Variants in INVS observed in about 807,000 individuals in gnomAD.
The protein encoded by INVS is inversin.
INVS carries 86 observed loss-of-function variants against 108.8 expected under a neutral mutation model. That is an observed-to-expected ratio of 0.79 (90% confidence interval 0.66 to 0.95). The LOEUF (loss-of-function observed/expected upper bound fraction) is 0.95. INVS is among the 40% of genes least tolerant of loss of function. INVS has a pLI of 0.00. For missense variants in INVS, 1,169 were observed against 1,297.4 expected, an observed-to-expected ratio of 0.90 and a Z score of 1.52; for synonymous variants, 455 against 473.5, an observed-to-expected ratio of 0.96 and a Z score of 0.51.
intron 1 of INVS, among the ~76,000 whole-genome samples, chr9:100,104,243 C>A (rs1041924985): frequency 6.6e-6 from 1 of 151,940 alleles, no homozygotes; most frequent in African/African-American, 2.4e-5. Flanking sequence ...AGACAGGTCT[C>A]ACTAAGATAG....
intron 3 of INVS, among the ~76,000 whole-genome samples, chr9:100,217,056 C>T (rs930684595): frequency 2.0e-5 from 3 of 152,116 alleles, no homozygotes; most frequent in Non-Finnish European, 2.9e-5. Context: ...TGCCTGTAAT[C>T]CCAGAACGTT....
At chr9:100,182,822 A>C (rs1254980726) in intron 3 of INVS, among the ~76,000 whole-genome samples, 1 of 152,230 alleles carries the variant, frequency 6.6e-6, no homozygotes, top group Non-Finnish European at 1.5e-5. Context: ...ATAAAGACAC[A>C]TGCACACATA....
chr9:100,236,356 T>C (rs1038837561), intron 5 of INVS, among the ~76,000 whole-genome samples: 1 of 152,236 alleles, frequency 6.6e-6, no homozygotes, highest in African/African-American at 2.4e-5. Flanking sequence ...TCTTCTTCTG[T>C]CAATTCATCA....
chr9:100,268,655 A>G (rs369208238), intron 11 of INVS, among the ~76,000 whole-genome samples: 2 of 152,202 alleles, frequency 1.3e-5, no homozygotes, highest in Non-Finnish European at 2.9e-5. Flanking sequence ...TATTGAGTGT[A>G]TAAGTGTTTA....
chr9:100,112,255 A>G (rs1375450181), intron 2 of INVS, among the ~76,000 whole-genome samples: 1 of 152,206 alleles, frequency 6.6e-6, no homozygotes, highest in African/African-American at 2.4e-5. Flanking sequence ...TACAGGCATG[A>G]GCCACCACGC....
At chr9:100,109,721 A>G (rs1370247765) in intron 2 of INVS, among the ~76,000 whole-genome samples, 1 of 152,172 alleles carries the variant, frequency 6.6e-6, no homozygotes, top group African/African-American at 2.4e-5. Flanking sequence ...GCTGGAGTGC[A>G]ATGGCGTGAT....
intron 12 of INVS, among the ~76,000 whole-genome samples, chr9:100,275,456 T>G (rs576325005): frequency 2.6e-4 from 40 of 152,332 alleles, no homozygotes; most frequent in African/African-American, 9.4e-4. Context: ...CTCTAAGAGA[T>G]ATACTTAAGT....
rs776002323 is a variant in INVS at position 100,292,622 on chromosome 9, G to A, written c.2365G>A (p.Ala789Thr). The A allele has an allele frequency of 6.2e-7, 1 of 1,614,140 alleles. No homozygotes were observed. The highest frequency in any genetic ancestry group is 8.5e-7 in the Non-Finnish European group (1 of 1,180,016). Reference protein sequence around the residue: ...RHDTEPKAKCAPQKRRTQELR... With the variant: ...RHDTEPKAKCTPQKRRTQELR... Reference sequence around the variant, plus strand: ...TGACACAGAACCCAAGGCCAAATGTGCCCCCCAGAAAAGGCGCACTCAAGA... The same window carrying A: ...TGACACAGAACCCAAGGCCAAATGTACCCCCCAGAAAAGGCGCACTCAAGA... Residue 789 changes from alanine (A) to threonine (T), a missense_variant, in exon 14 of 17, where the codon GCC becomes ACC. This residue lies in a region of INVS where 533 missense variants were observed against 536.0 expected (regional missense o/e 0.99). Transcript: ENST00000262457.
At chr9:100,215,661 C>G (rs1385199629) in intron 3 of INVS, among the ~76,000 whole-genome samples, 1 of 152,138 alleles carries the variant, frequency 6.6e-6, no homozygotes, top group African/African-American at 2.4e-5. Flanking sequence ...GGTCTAGGAA[C>G]CCCAAAACAT....
intron 11 of INVS, among the ~76,000 whole-genome samples, chr9:100,271,580 C>T (rs912459439): frequency 6.6e-6 from 1 of 152,144 alleles, no homozygotes; most frequent in Non-Finnish European, 1.5e-5. Context: ...ATCATCCTCC[C>T]TAGAAGTTAA....
intron 10 of INVS, among the ~76,000 whole-genome samples, chr9:100,260,519 T>A (rs1832589318): frequency 6.6e-6 from 1 of 152,186 alleles, no homozygotes; most frequent in South Asian, 2.1e-4. Context: ...CACATTTTGT[T>A]TACTTAAAAT....
intron 10 of INVS, among the ~76,000 whole-genome samples, chr9:100,263,321 T>A (rs79854768): frequency 6.5e-4 from 99 of 152,314 alleles, no homozygotes; most frequent in Non-Finnish European, 9.1e-4. Flanking sequence ...ATGTCAGAAA[T>A]TCAAACTGGG....
chr9:100,169,418 C>G (rs371252534), intron 3 of INVS, among the ~76,000 whole-genome samples: 11 of 152,158 alleles, frequency 7.2e-5, no homozygotes, highest in East Asian at 3.8e-4. Flanking sequence ...AATGAGTTAG[C>G]TCGTTCTCTA....
intron 3 of INVS, among the ~76,000 whole-genome samples, chr9:100,204,593 A>C (rs1169901501): frequency 3.3e-5 from 5 of 152,180 alleles, no homozygotes; most frequent in African/African-American, 1.2e-4. Flanking sequence ...AAAATTCTTC[A>C]ATTCATTCTA....
chr9:100,152,634 A>C (rs1337063286), intron 3 of INVS, among the ~76,000 whole-genome samples: 1 of 152,120 alleles, frequency 6.6e-6, no homozygotes, highest in East Asian at 1.9e-4. Flanking sequence ...TCAACAGATA[A>C]ATTTTTAGTA....
At chr9:100,229,634 A>G in intron 4 of INVS, 26 bp from the exon 5 acceptor site, 2 of 1,611,546 alleles carry the variant, frequency 1.2e-6, no homozygotes, top group Non-Finnish European at 1.7e-6. Context: ...TACTGTTGTT[A>G]TTTCGAGAAC....
chr9:100,204,805 C>T (rs1477543392), intron 3 of INVS, among the ~76,000 whole-genome samples: 2 of 151,988 alleles, frequency 1.3e-5, no homozygotes, highest in African/African-American at 4.8e-5. Flanking sequence ...AGAAATACCT[C>T]AGAATTTCTG....
At chr9:100,155,653 C>G (rs1828952262) in intron 3 of INVS, among the ~76,000 whole-genome samples, 1 of 152,176 alleles carries the variant, frequency 6.6e-6, no homozygotes, top group African/African-American at 2.4e-5. Context: ...GACTTTAAAA[C>G]ATAGTAAATT....
intron 6 of INVS, among the ~76,000 whole-genome samples, chr9:100,240,458 G>T (rs980359451): frequency 6.6e-6 from 1 of 151,762 alleles, no homozygotes; most frequent in South Asian, 2.1e-4. Flanking sequence ...TTAAATTTTT[G>T]TTATAAAAGT....
Sources: gnomAD v4.1 joint callset for allele counts (sites outside exome capture counted in the v4.1 genomes callset) on GRCh38, gnomAD v4.1.1 for gene constraint, gnomAD v4.1.1 regional missense constraint, MANE v1.5 for transcripts, NCBI Gene and HGNC (gene_info 2026-07-23, HGNC 2026-07-21) for gene names.